Variants in ATG10 observed in about 807,000 individuals in gnomAD.
The protein encoded by ATG10 is autophagy related 10, also known as ubiquitin-like-conjugating enzyme ATG10.
A neutral mutation model predicts 32.1 loss-of-function variants in ATG10; 30 were observed. The observed-to-expected ratio is 0.94, with a 90% CI of 0.70 to 1.27. ATG10 has a LOEUF of 1.27. Ranked by LOEUF, ATG10 falls within the 50% of genes most tolerant of loss-of-function variation. The probability of loss-of-function intolerance (pLI) is 0.00; values close to 1 mark genes in which losing one functional copy is unlikely to be tolerated. For synonymous variants in ATG10, 87 were observed against 91.5 expected (o/e 0.95, Z 0.28); for missense variants, 233 against 262.3 (o/e 0.89, Z 0.77).
intron 2 of ATG10, among the ~76,000 whole-genome samples, chr5:82,025,361 T>G (rs1310965806): frequency 6.6e-6 from 1 of 152,180 alleles, no homozygotes; most frequent in African/African-American, 2.4e-5. Flanking sequence ...ATGCATTAGC[T>G]TTTTTGTAGC....
chr5:82,175,428 G>C lies in ATG10; in HGVS notation c.356-3062G>C, dbSNP rs138939287. 1.6e-3 allele frequency among the ~76,000 whole-genome samples: 237 copies of C among 152,302 alleles called. 2 individuals are homozygous for C. The highest frequency in any genetic ancestry group is 5.3e-3 in the African/African-American group (221 of 41,568). The stretch of plus-strand genomic sequence containing the variant: ...CCCAAAGTGCTGAGATTACAGGCGT[G>C]AGCCACTGTGCCCAGCTGTTGTTGT... On this transcript the variant is annotated intron_variant, in intron 4 of 7. Transcript: ENST00000282185.
intron 3 of ATG10, among the ~76,000 whole-genome samples, chr5:82,157,204 G>A (rs1047262440): frequency 6.6e-6 from 1 of 152,104 alleles, no homozygotes; most frequent in Non-Finnish European, 1.5e-5. Context: ...TTTGGTTGAT[G>A]TAGCAGGGAG....
chr5:82,194,533 T>G (rs2149951519), intron 5 of ATG10, among the ~76,000 whole-genome samples: 1 of 152,344 alleles, frequency 6.6e-6, no homozygotes, highest in South Asian at 2.1e-4. Flanking sequence ...AAGTCCATTT[T>G]GTTTCTTAAA....
At chr5:82,121,960 T>C (rs1045140686) in intron 3 of ATG10, among the ~76,000 whole-genome samples, 1 of 150,862 alleles carries the variant, frequency 6.6e-6, no homozygotes, top group Non-Finnish European at 1.5e-5. Flanking sequence ...TTTTTTTTTT[T>C]ATGTCTTTGC....
chr5:82,092,453 G>A (rs1764922435), intron 3 of ATG10, among the ~76,000 whole-genome samples: 1 of 152,154 alleles, frequency 6.6e-6, no homozygotes, highest in Non-Finnish European at 1.5e-5. Flanking sequence ...ATGGCTTGCA[G>A]CAACGTGGTT....
At chr5:82,109,126 G>T (rs988478694) in intron 3 of ATG10, among the ~76,000 whole-genome samples, 4 of 152,074 alleles carry the variant, frequency 2.6e-5, no homozygotes, top group Admixed American at 2.0e-4. Context: ...TAAGAAATAA[G>T]AGACAGAAGG....
chr5:81,977,975 C>T (rs1023685966), intron 1 of ATG10, among the ~76,000 whole-genome samples: 1 of 151,962 alleles, frequency 6.6e-6, no homozygotes, highest in Non-Finnish European at 1.5e-5. Flanking sequence ...TTTTATTTTC[C>T]AAAATAAAAA....
intron 3 of ATG10, among the ~76,000 whole-genome samples, chr5:82,127,658 G>A (rs1195026156): frequency 6.6e-5 from 10 of 151,132 alleles, no homozygotes; most frequent in Non-Finnish European, 1.2e-4. Flanking sequence ...GACTGTTATG[G>A]TTTCTTTTCT....
intron 5 of ATG10, among the ~76,000 whole-genome samples, chr5:82,208,692 A>G (rs1388292391): frequency 6.6e-6 from 1 of 152,168 alleles, no homozygotes; most frequent in Non-Finnish European, 1.5e-5. Context: ...AAGAAGTTTT[A>G]TCCTATTCCT....
intron 5 of ATG10, among the ~76,000 whole-genome samples, chr5:82,186,343 A>T (rs554380146): frequency 4.5e-4 from 68 of 152,300 alleles, no homozygotes; most frequent in Non-Finnish European, 8.4e-4. Context: ...GGCTTTTTGT[A>T]GAAACGTTCC....
chr5:82,227,201 C>A lies in ATG10; in HGVS notation c.454-25361C>A, dbSNP rs191205728. On this transcript the variant is annotated intron_variant, in intron 5 of 7. Coordinates refer to ENST00000282185, the MANE Select transcript of ATG10 (RefSeq NM_031482.5). ...GGTTGAGATTTTCCTTGTTCCCCTC[C>A]CCTTTTTTACTTTCTTCCAGTGTAC... 1.6e-3 allele frequency among the ~76,000 whole-genome samples: 239 copies of A among 152,110 alleles called. 2 individuals carry two copies. The highest frequency in any genetic ancestry group is 5.4e-3 in the African/African-American group (223 of 41,484).
chr5:82,227,601 C>T (rs955226628), intron 5 of ATG10, among the ~76,000 whole-genome samples: 9 of 152,080 alleles, frequency 5.9e-5, no homozygotes, highest in Non-Finnish European at 1.3e-4. Context: ...GTCTCGAACT[C>T]CCAACCTCAG....
chr5:82,110,853 T>C (rs1765597591), intron 3 of ATG10, among the ~76,000 whole-genome samples: 1 of 151,990 alleles, frequency 6.6e-6, no homozygotes, highest in Non-Finnish European at 1.5e-5. Context: ...AAATAAAAAA[T>C]ATTAAAATCC....
chr5:82,028,975 AATT>A (rs1249857659), intron 2 of ATG10, among the ~76,000 whole-genome samples: 1 of 152,206 alleles, frequency 6.6e-6, no homozygotes, highest in African/African-American at 2.4e-5. Flanking sequence ...AGAAAAGAAT[AATT>A]ATTAAGACAA....
intron 2 of ATG10, among the ~76,000 whole-genome samples, chr5:82,044,831 G>A (rs1262743542): frequency 6.6e-6 from 1 of 152,128 alleles, no homozygotes; most frequent in East Asian, 1.9e-4. Flanking sequence ...TTCTTGCTAG[G>A]TATCAGTAGT....
intron 3 of ATG10, 76 bp downstream of exon 3, chr5:82,058,678 C>A: frequency 1.1e-6 from 1 of 887,394 alleles, no homozygotes; most frequent in Non-Finnish European, 1.8e-6. Context: ...TTAATGACTC[C>A]ATCGCATTCC....
At chr5:81,981,212 A>G (rs1276199799) in intron 1 of ATG10, among the ~76,000 whole-genome samples, 3 of 152,170 alleles carry the variant, frequency 2.0e-5, no homozygotes, top group Non-Finnish European at 1.5e-5. Context: ...TGTCAAAGTG[A>G]TTCATCTTTT....
intron 3 of ATG10, among the ~76,000 whole-genome samples, chr5:82,132,834 T>G (rs1031841636): frequency 6.6e-6 from 1 of 152,072 alleles, no homozygotes; most frequent in Admixed American, 6.6e-5. Flanking sequence ...GACAATGGTT[T>G]AACTAATTTA....
chr5:81,986,547 A>G (rs1271090566), intron 1 of ATG10, among the ~76,000 whole-genome samples: 1 of 152,142 alleles, frequency 6.6e-6, no homozygotes, highest in Non-Finnish European at 1.5e-5. Context: ...GGATGAATGA[A>G]CAAACTCTTA....
Sources: allele counts gnomAD v4.1 joint callset (sites outside exome capture counted in the v4.1 genomes callset), GRCh38; gene constraint gnomAD v4.1.1; transcripts MANE v1.5; gene names NCBI Gene and HGNC (gene_info 2026-07-23, HGNC 2026-07-21).